LPL: variants seen among roughly 807,000 people sequenced by gnomAD.
The protein encoded by LPL is phospholipase A1.
In LPL, 43 loss-of-function variants were observed where a neutral mutation model predicts 52.2. The ratio of observed to expected loss-of-function variants is 0.82; its 90% CI spans 0.64 to 1.06. LPL has a LOEUF of 1.06. LPL is among the 50% of genes least tolerant of loss of function. The pLI is 0.00. For missense variants in LPL, 639 were observed against 585.3 expected, an observed-to-expected ratio of 1.09 and a Z score of -0.95; for synonymous variants, 244 against 215.6, an observed-to-expected ratio of 1.13 and a Z score of -1.15.
chr8:19,942,147 G>A (rs1031834124), intron 1 of LPL, among the ~76,000 whole-genome samples: 3 of 152,076 alleles, frequency 2.0e-5, no homozygotes, highest in African/African-American at 2.4e-5. Flanking sequence ...GAAAATTTTC[G>A]CTTTCTTTCA....
At chr8:19,941,420 T>C (rs1053671706) in intron 1 of LPL, among the ~76,000 whole-genome samples, 2 of 152,230 alleles carry the variant, frequency 1.3e-5, no homozygotes, top group African/African-American at 4.8e-5. Flanking sequence ...TCCTAAATTC[T>C]TGGGAGTCAG....
chr8:19,955,791 C>G (rs1344132729), intron 5 of LPL, 50 bp from the exon 6 acceptor site: 11 of 1,613,234 alleles, frequency 6.8e-6, no homozygotes, highest in Non-Finnish European at 6.8e-6. Context: ...ATGAAACACT[C>G]TTTGTGAATT....
intron 3 of LPL, 144 bp downstream of exon 3, chr8:19,952,092 T>G: frequency 2.2e-6 from 2 of 909,314 alleles, no homozygotes; most frequent in Non-Finnish European, 3.5e-6. Flanking sequence ...TGGATATTAT[T>G]TTATATCCAA....
rs572144530 is a variant in LPL, at chr8:19,966,851, A to C, written c.*1541A>C. The C allele has an allele frequency of 6.6e-6, 1 of 152,486 alleles. No individual in the cohort carries two copies. The highest frequency in any genetic ancestry group is 2.1e-4 in the South Asian group (1 of 4,824). 9.4% of individuals were successfully genotyped at this position (152,486 alleles called of 1,614,324 possible). On this transcript the variant is annotated 3_prime_UTR_variant, in exon 10 of 10. Transcript: ENST00000650287. The stretch of plus-strand genomic sequence containing the variant: ...CTCTCTAAAAATAAAATGATGTATG[A>C]TTTGTTGTTGGCATCCCCTTTATTA...
At chr8:19,941,097 T>TAAAA (rs1554516487) in intron 1 of LPL, among the ~76,000 whole-genome samples, 1 of 152,028 alleles carries the variant, frequency 6.6e-6, no homozygotes, top group Non-Finnish European at 1.5e-5. Flanking sequence ...CTCATAAAAT[T>TAAAA]AAAACAAAAC....
Position 19,967,080 on chromosome 8 carries a change from T to G in LPL, c.*1770T>G, listed in dbSNP as rs1430073688. 1 of 152,506 alleles carries G rather than the reference T, an allele frequency of 6.6e-6. No individual in the cohort carries two copies. Among genetic ancestry groups the G allele is most frequent in the Non-Finnish European group, 1.5e-5 (1 of 68,028 alleles). 9.4% of individuals were successfully genotyped at this position (152,506 alleles called of 1,614,324 possible). A position where few individuals can be genotyped will look rare whatever the true frequency, so the allele number is the denominator to read the frequency against. On this transcript the variant is annotated 3_prime_UTR_variant, in exon 10 of 10. Transcript: ENST00000650287. Reference sequence around the variant, plus strand: ...AGCTTGTACATATTGGAAAGGTCATTGTGGCTATCTGCATTTATAAATGTG... The same window carrying G: ...AGCTTGTACATATTGGAAAGGTCATGGTGGCTATCTGCATTTATAAATGTG...
rs888137517 is a variant in LPL, at chr8:19,967,171, G to C, written c.*1861G>C. 3 of 152,546 alleles carry C rather than the reference G, an allele frequency of 2.0e-5. No individual in the cohort carries two copies. Among genetic ancestry groups the C allele is most frequent in the Admixed American group, 1.3e-4 (2 of 15,268 alleles). The allele number at this position is 152,546 out of a possible 1,614,324, so 9.4% of individuals were successfully genotyped here. A position where few individuals can be genotyped will look rare whatever the true frequency, so the allele number is the denominator to read the frequency against. Reference sequence around the variant, plus strand: ...AGAGCCAACTCACTCTTATGAAATGGGCTTTAACAAAACAAGAAAGAAACG... The same window carrying C: ...AGAGCCAACTCACTCTTATGAAATGCGCTTTAACAAAACAAGAAAGAAACG... On this transcript the variant is annotated 3_prime_UTR_variant, in exon 10 of 10. Transcript: ENST00000650287.
intron 1 of LPL, among the ~76,000 whole-genome samples, chr8:19,942,062 G>C (rs997802136): frequency 1.3e-5 from 2 of 152,322 alleles, no homozygotes; most frequent in African/African-American, 4.8e-5. Context: ...CACTGAAGGA[G>C]AGCTCAGCGA....
At position 19,952,126 on chromosome 8, in the gene LPL, A is replaced by G. The variant is rs551917564; in HGVS notation, c.429+178A>G. Among the ~76,000 whole-genome samples the G allele has an allele frequency of 2.9e-4, 44 of 152,304 alleles. No homozygotes were observed. In the Middle Eastern group the frequency reaches 0.01, roughly 35 times the overall value. On this transcript the variant is annotated intron_variant, in intron 3 of 9. Transcript: ENST00000650287. ...AAAAGCAACATTTTGATAAGAATAG[A>G]CTATAAGGCCAATAAATAGTCCTGC... is the stretch of plus-strand genomic sequence containing the variant.
chr8:19,954,320 G>A lies in LPL; in HGVS notation c.742G>A (p.Ala248Thr), dbSNP rs2069963649. The change falls in exon 5 of 10, where the codon GCT becomes ACT. Residue 248 changes from alanine to threonine, a missense_variant. Physicochemically the swap from Ala to Thr is moderately conservative, Grantham distance 58. Transcript: ENST00000650287. ...TFQPGCNIGE[A>T]IRVIAERGLG... ...TCAGCCAGGATGTAACATTGGAGAA[G>A]CTATCCGCGTGATTGCAGAGAGAGG... 3.1e-6 allele frequency: 5 copies of A among 1,614,046 alleles called. No individual in the cohort carries two copies. Among genetic ancestry groups the A allele is most frequent in the Non-Finnish European group, 4.2e-6 (5 of 1,180,028 alleles).
intron 1 of LPL, among the ~76,000 whole-genome samples, chr8:19,940,098 C>T (rs1001115528): frequency 6.6e-6 from 1 of 152,168 alleles, no homozygotes; most frequent in Non-Finnish European, 1.5e-5. Flanking sequence ...GCCCCTCGCT[C>T]CGCTGTGGGA....
chr8:19,942,659 A>G (rs780500377), intron 1 of LPL, among the ~76,000 whole-genome samples: 3 of 152,320 alleles, frequency 2.0e-5, no homozygotes, highest in South Asian at 2.1e-4. Flanking sequence ...GAAGGCTCCA[A>G]TAGTTTCTGA....
intron 2 of LPL, among the ~76,000 whole-genome samples, chr8:19,949,713 C>A (rs1329874994): frequency 6.6e-6 from 1 of 152,204 alleles, no homozygotes; most frequent in Non-Finnish European, 1.5e-5. Flanking sequence ...GAACTCCTGA[C>A]CTCAAGTGAT....
chr8:19,965,759 G>GA lies in LPL; in HGVS notation c.*449_*450insA. On this transcript the variant is annotated 3_prime_UTR_variant, in exon 10 of 10. Coordinates refer to ENST00000650287, the MANE Select transcript of LPL (RefSeq NM_000237.3). ...CCAAGAATACAGAAAATGCTTTTCC[G>GA]CGGCACGAATCAGACTCATCTACAC... 1 of 162,552 alleles carries GA rather than the reference G, an allele frequency of 6.2e-6. No homozygotes were observed. Among genetic ancestry groups the GA allele is most frequent in the Admixed American group, 6.1e-5 (1 of 16,376 alleles). The allele number at this position is 162,552 out of a possible 1,614,324, so 10.1% of individuals were successfully genotyped here.
At chr8:19,952,974 T>C (rs2069948633) in intron 3 of LPL, among the ~76,000 whole-genome samples, 1 of 152,234 alleles carries the variant, frequency 6.6e-6, no homozygotes, top group Non-Finnish European at 1.5e-5. Flanking sequence ...TATGGTTATA[T>C]ATGCAAATAC....
chr8:19,963,579 A>C (rs1323756443), intron 9 of LPL, among the ~76,000 whole-genome samples: 1 of 152,208 alleles, frequency 6.6e-6, no homozygotes, highest in East Asian at 1.9e-4. Context: ...AAAATAAAAT[A>C]AAATCACTGT....
intron 6 of LPL, 87 bp from the exon 7 acceptor site, chr8:19,959,173 C>G (rs1044042874): frequency 4.9e-5 from 77 of 1,555,834 alleles, no homozygotes; most frequent in Non-Finnish European, 1.1e-5. Context: ...TAGTGAGATA[C>G]TTCTGTGGTT....
At chr8:19,955,343 A>C (rs773194368) in intron 5 of LPL, among the ~76,000 whole-genome samples, 1 of 152,170 alleles carries the variant, frequency 6.6e-6, no homozygotes, top group Non-Finnish European at 1.5e-5. Context: ...CTGTAACACC[A>C]TTTTAAGTTG....
At chr8:19,948,908 T>G (rs1434988371) in intron 2 of LPL, among the ~76,000 whole-genome samples, 1 of 151,266 alleles carries the variant, frequency 6.6e-6, no homozygotes, top group Non-Finnish European at 1.5e-5. Context: ...TTTCCAGTTG[T>G]AAACTTTAGG....
Sources: allele counts gnomAD v4.1 joint callset (sites outside exome capture counted in the v4.1 genomes callset), GRCh38; gene constraint gnomAD v4.1.1; transcripts MANE v1.5; gene names NCBI Gene and HGNC (gene_info 2026-07-23, HGNC 2026-07-21).